The following GLT8D2 variants were observed in gnomAD, a reference collection of about 807,000 sequenced individuals.
The protein encoded by GLT8D2 is glycosyltransferase 8 domain containing 2.
GLT8D2 carries 45 observed loss-of-function variants against 44.5 expected under a neutral mutation model. The ratio of observed to expected loss-of-function variants is 1.01; its 90% CI spans 0.80 to 1.30. GLT8D2 has a LOEUF of 1.30. Ranked by LOEUF, GLT8D2 falls within the 50% of genes most tolerant of loss-of-function variation. The pLI is 0.00. For synonymous variants in GLT8D2, 156 were observed against 157.2 expected, an observed-to-expected ratio of 0.99 and a Z score of 0.06; for missense variants, 400 against 430.4, an observed-to-expected ratio of 0.93 and a Z score of 0.62.
upstream of GLT8D2, chr12:104,064,215 CAATT>C (rs1427515011): frequency 9.6e-6 from 2 of 207,900 alleles, no homozygotes; most frequent in Non-Finnish European, 1.9e-5. This position sits in a 1 kb window ranked among gnomAD's most constrained non-coding sequence, Gnocchi z 7.3. Context: ...CCTAGATGCT[CAATT>C]AAAGTGGACG....
intron 10 of GLT8D2, among the ~76,000 whole-genome samples, chr12:103,992,414 G>C (rs951660273): frequency 6.6e-6 from 1 of 151,708 alleles, no homozygotes; most frequent in Non-Finnish European, 1.5e-5. Context: ...GTTACTGCAA[G>C]AGAAAATAAA....
chr12:104,062,967 G>A (rs1015479883), intron 1 of GLT8D2, among the ~76,000 whole-genome samples: 6 of 152,022 alleles, frequency 3.9e-5, no homozygotes, highest in Non-Finnish European at 7.4e-5. Context: ...ATAGGAGCTC[G>A]AACCCTACTG....
At chr12:104,057,108 C>T (rs1457023168) in intron 1 of GLT8D2, among the ~76,000 whole-genome samples, 1 of 152,076 alleles carries the variant, frequency 6.6e-6, no homozygotes, top group Admixed American at 6.6e-5. Context: ...TAAAGGTAAA[C>T]TTATGAACAC....
intron 1 of GLT8D2, among the ~76,000 whole-genome samples, chr12:104,061,404 G>A (rs894023360): frequency 6.6e-6 from 1 of 151,778 alleles, no homozygotes; most frequent in Non-Finnish European, 1.5e-5. Flanking sequence ...GTGCTATAAG[G>A]GCATTAGAAA....
At chr12:104,009,699 A>G (rs774979029) in intron 4 of GLT8D2, among the ~76,000 whole-genome samples, 34 of 152,184 alleles carry the variant, frequency 2.2e-4, no homozygotes, top group African/African-American at 6.3e-4. Context: ...TTGTACTCCC[A>G]TATTTCCCAC....
At chr12:103,993,278 C>T (rs894203469) in intron 10 of GLT8D2, 114 bp downstream of exon 10, 6 of 790,148 alleles carry the variant, frequency 7.6e-6, no homozygotes, top group Non-Finnish European at 1.3e-5. Context: ...TTCCAGTGAG[C>T]CGAGATCACG....
At chr12:104,061,087 GT>G (rs1882605922) in intron 1 of GLT8D2, among the ~76,000 whole-genome samples, 2 of 152,160 alleles carry the variant, frequency 1.3e-5, no homozygotes, top group South Asian at 4.1e-4. Context: ...TTTCCTACAG[GT>G]TTTGCAGGGA....
chr12:104,002,495 A>G (rs1454353586), intron 5 of GLT8D2, among the ~76,000 whole-genome samples: 2 of 152,218 alleles, frequency 1.3e-5, no homozygotes, highest in Non-Finnish European at 2.9e-5. Context: ...ATGCAGTCAA[A>G]TCTGTCCATT....
At chr12:104,045,630 G>T (rs184051661) in intron 1 of GLT8D2, among the ~76,000 whole-genome samples, 1 of 152,306 alleles carries the variant, frequency 6.6e-6, no homozygotes, top group Admixed American at 6.5e-5. Flanking sequence ...CATTTTACCA[G>T]ATGCCAAAGA....
intron 4 of GLT8D2, among the ~76,000 whole-genome samples, chr12:104,004,112 G>C (rs1172582121): frequency 6.6e-6 from 1 of 152,088 alleles, no homozygotes; most frequent in Non-Finnish European, 1.5e-5. Flanking sequence ...CATATAAATA[G>C]AACCAAAGAC....
intron 1 of GLT8D2, among the ~76,000 whole-genome samples, chr12:104,062,750 C>T (rs2061496382): frequency 6.6e-6 from 1 of 152,178 alleles, no homozygotes; most frequent in African/African-American, 2.4e-5. Flanking sequence ...GCTGGGATTA[C>T]AGGTGTGAGT....
At chr12:104,036,652 A>G (rs1879960522) in intron 1 of GLT8D2, among the ~76,000 whole-genome samples, 1 of 152,230 alleles carries the variant, frequency 6.6e-6, no homozygotes, top group Non-Finnish European at 1.5e-5. Context: ...GAGCACCCAG[A>G]TTCATAAAGC....
At chr12:104,002,974 G>C (rs1874429263) in intron 5 of GLT8D2, among the ~76,000 whole-genome samples, 161 bp downstream of exon 5, 1 of 145,996 alleles carries the variant, frequency 6.8e-6, no homozygotes, top group Non-Finnish European at 1.5e-5. Context: ...GAGAAAGACA[G>C]AGAGAGAGAG....
chr12:104,031,245 T>C, intron 1 of GLT8D2: 1 of 1,610,754 alleles, frequency 6.2e-7, no homozygotes, highest in Non-Finnish European at 8.5e-7. Flanking sequence ...TGTGAGAGTC[T>C]GAAGGATACT....
intron 1 of GLT8D2, among the ~76,000 whole-genome samples, chr12:104,033,989 A>G (rs1243974235): frequency 1.4e-4 from 22 of 152,120 alleles, no homozygotes; most frequent in Admixed American, 1.4e-3. Flanking sequence ...GGCTGAATAT[A>G]TACATTTTTT....
At chr12:104,047,283 G>A (rs908328129) in intron 1 of GLT8D2, among the ~76,000 whole-genome samples, 1 of 151,416 alleles carries the variant, frequency 6.6e-6, no homozygotes, top group African/African-American at 2.4e-5. Flanking sequence ...ATGGTGGAAG[G>A]GGTGAACCAG....
chr12:104,030,052 C>G (rs375116410), intron 1 of GLT8D2, among the ~76,000 whole-genome samples: 25 of 151,734 alleles, frequency 1.6e-4, no homozygotes, highest in African/African-American at 6.0e-4. Flanking sequence ...TGAGCAGGAA[C>G]AAAACTGAAG....
upstream of GLT8D2, chr12:104,064,418 T>C (rs1344581234): frequency 1.4e-6 from 1 of 740,346 alleles, no homozygotes; most frequent in Non-Finnish European, 2.0e-6. This position sits in a 1 kb window ranked among gnomAD's most constrained non-coding sequence, Gnocchi z 7.3. Context: ...GTCTCTCCAC[T>C]GCCCGCGGGC....
In GLT8D2 at chr12:104,031,552, G is replaced by A. The variant is rs1312458658; in HGVS notation, c.-163-10061C>T. 3.3e-4 allele frequency: 529 copies of A among 1,610,912 alleles called. 3 individuals are homozygous for A. The African/African-American group carries it at 6.2e-3, about 19-fold the overall frequency. On this transcript the variant is annotated intron_variant, in intron 1 of 10. Coordinates refer to ENST00000360814, the MANE Select transcript of GLT8D2 (RefSeq NM_001384711.1). ...GCAAGGCCAAGAAGTGAAGGCCGGC[G>A]GGGAAGATACTGTCCCCAGGAGCAC...
Sources: gnomAD v4.1 joint callset for allele counts (sites outside exome capture counted in the v4.1 genomes callset) on GRCh38, gnomAD v4.1.1 for gene constraint, Gnocchi (gnomAD v3.1) non-coding constraint, MANE v1.5 for transcripts, NCBI Gene and HGNC (gene_info 2026-07-23, HGNC 2026-07-21) for gene names.